Variants in NECAB2 observed in about 807,000 individuals in gnomAD.
NECAB2 encodes N-terminal EF-hand calcium binding protein 2, also known as N-terminal EF-hand calcium-binding protein 2.
NECAB2 carries 68 observed loss-of-function variants against 51.9 expected under a neutral mutation model. That is an observed-to-expected ratio of 1.31 (90% CI 1.08 to 1.60). The LOEUF is 1.60. Among genes scored for constraint, NECAB2 ranks in the 40% most tolerant of loss-of-function variants. The pLI is 0.00. For synonymous variants in NECAB2, 329 were observed against 203.5 expected (o/e 1.62, Z -5.25); for missense variants, 854 against 490.3 (o/e 1.74, Z -7.00).
In NECAB2 at chr16:83,994,247, G is replaced by T. The variant is rs2084664465; in HGVS notation, c.597-55G>T. The T allele has an allele frequency of 1.5e-5, 23 of 1,521,976 alleles. 1 individual carries two copies. In the South Asian group the frequency reaches 2.4e-4, roughly 16 times the overall value. 94.3% of individuals were successfully genotyped at this position (1,521,976 alleles called of 1,614,324 possible). On this transcript the variant is annotated intron_variant, in intron 6 of 12. Coordinates refer to ENST00000305202, the MANE Select transcript of NECAB2 (RefSeq NM_019065.3). ...ATGCCTGTGGAAGATGCTGGAAGTG[G>T]TAAGGGCCCTGAAGCCACCGCCATG...
intron 5 of NECAB2, among the ~76,000 whole-genome samples, chr16:83,988,281 C>T (rs1030008336): frequency 6.6e-6 from 1 of 151,714 alleles, no homozygotes; most frequent in African/African-American, 2.4e-5. Flanking sequence ...TACATTTTAC[C>T]TTTTGGTGGT....
Position 83,991,852 on chromosome 16 carries a change from C to T in NECAB2, c.596+1222C>T, listed in dbSNP as rs188806789. Among the ~76,000 whole-genome samples the T allele has an allele frequency of 1.6e-3, 234 of 144,138 alleles. 1 individual carries two copies. Among genetic ancestry groups the T allele is most frequent in the African/African-American group, 5.6e-3 (212 of 37,962 alleles). 94.6% of individuals were successfully genotyped at this position (144,138 alleles called of 152,430 possible). A position where few individuals can be genotyped will look rare whatever the true frequency, so the allele number is the denominator to read the frequency against. On this transcript the variant is annotated intron_variant, in intron 6 of 12. Coordinates refer to ENST00000305202, the MANE Select transcript of NECAB2 (RefSeq NM_019065.3). The stretch of plus-strand genomic sequence containing the variant: ...TTTTTTTTTTGTAGAGACGGGGTCT[C>T]GCCATGTTGGCCAGGCTGTTCTCAA...
At chr16:83,984,399 A>C (rs973584866) in intron 5 of NECAB2, among the ~76,000 whole-genome samples, 3 of 151,956 alleles carry the variant, frequency 2.0e-5, no homozygotes, top group African/African-American at 7.2e-5. Context: ...TGTTTGACAC[A>C]CGCAGGCACT....
intron 6 of NECAB2, among the ~76,000 whole-genome samples, chr16:83,991,092 C>G (rs2084619028): frequency 6.6e-6 from 1 of 152,126 alleles, no homozygotes; most frequent in Non-Finnish European, 1.5e-5. Context: ...AAGCAATTCT[C>G]ATGCCTCAGC....
In NECAB2 at chr16:83,997,200, T is replaced by C. The variant is rs745318808; in HGVS notation, c.796-16T>C. On this transcript the variant is annotated splice_polypyrimidine_tract_variant and intron_variant, in intron 8 of 12. Transcript: ENST00000305202. ...GGGCTCTGGGTCTAGCATCACTGTG[T>C]GCTGGATTGTTTCAGGCACTGTGGT... is the stretch of plus-strand genomic sequence containing the variant. 2.5e-6 allele frequency: 4 copies of C among 1,613,956 alleles called. No homozygotes were observed. The highest frequency in any genetic ancestry group is 3.3e-5 in the Admixed American group (2 of 59,986).
rs79625111 is a variant in NECAB2 at position 84,000,064 on chromosome 16, T to A, written c.963-660T>A. ...ACCAGGCCCAGCAAGTTTTATTTTT[T>A]TTTTTTTTAAAGAGACAGTGTTTTG... On this transcript the variant is annotated intron_variant, in intron 10 of 12. Coordinates refer to ENST00000305202, the MANE Select transcript of NECAB2 (RefSeq NM_019065.3). Among the ~76,000 whole-genome samples, 311 of 150,850 alleles carry A rather than the reference T, an allele frequency of 2.1e-3. 7 individuals carry two copies. In the East Asian group the frequency reaches 0.043, roughly 21 times the overall value.
intron 5 of NECAB2, among the ~76,000 whole-genome samples, chr16:83,982,832 G>A (rs561776624): frequency 1.5e-4 from 23 of 152,046 alleles, no homozygotes; most frequent in African/African-American, 5.1e-4. Context: ...TGTTGCATCC[G>A]TGATTGGCAT....
intron 5 of NECAB2, among the ~76,000 whole-genome samples, chr16:83,982,465 C>G (rs998892909): frequency 6.6e-6 from 1 of 152,268 alleles, no homozygotes; most frequent in South Asian, 2.1e-4. Context: ...ATGGGAAGAT[C>G]CCAGGCTTCC....
Position 84,000,761 on chromosome 16 carries a change from G to A in NECAB2, c.1000G>A (p.Val334Ile). The change falls in exon 11 of 13, where the codon GTC becomes ATC. Residue 334 changes from valine to isoleucine, a missense_variant. Val to Ile is a conservative substitution (Grantham distance 29). Coordinates refer to ENST00000305202, the MANE Select transcript of NECAB2 (RefSeq NM_019065.3). The stretch of plus-strand genomic sequence containing the variant: ...GAGGCTCTCAGATGGCTTCACCTTT[G>A]TCATCTATGAGTTCTGGGAGACAGA... ...AVRLSDGFTF[V>I]IYEFWETEEA... The A allele has an allele frequency of 6.2e-7, 1 of 1,613,872 alleles. No homozygotes were observed.
At chr16:83,969,692 C>T (rs1353455524) in intron 1 of NECAB2, among the ~76,000 whole-genome samples, 1 of 149,704 alleles carries the variant, frequency 6.7e-6, no homozygotes, top group Non-Finnish European at 1.5e-5. Flanking sequence ...GAGGACTTCT[C>T]CCAGCAGAGA....
chr16:83,967,694 A>AGATGGATG (rs1260318709), upstream of NECAB2, among the ~76,000 whole-genome samples: 3 of 97,700 alleles, frequency 3.1e-5, no homozygotes, highest in Admixed American at 3.2e-4. Context: ...GCGGGCGGGC[A>AGATGGATG]GATGGATGGA....
upstream of NECAB2, chr16:83,965,797 A>AG: frequency 6.2e-7 from 1 of 1,612,806 alleles, no homozygotes; most frequent in Non-Finnish European, 8.5e-7. Flanking sequence ...TGCCTGGGGC[A>AG]GGGGCTGACT....
chr16:83,988,655 A>T (rs1422107716), intron 5 of NECAB2, among the ~76,000 whole-genome samples: 2 of 152,188 alleles, frequency 1.3e-5, no homozygotes, highest in Non-Finnish European at 2.9e-5. Context: ...ACAAACTCTT[A>T]AGCATTGTTT....
rs538808089 is a variant in NECAB2 at position 83,979,468 on chromosome 16, T to G, written c.335+916T>G. Among the ~76,000 whole-genome samples, 125 of 152,218 alleles carry G rather than the reference T, an allele frequency of 8.2e-4. No homozygotes were observed. In the Middle Eastern group the frequency reaches 0.01, roughly 12 times the overall value. ...GGGGGGCACTGGCTGGGGACCGGGA[T>G]ATGGTAAGTGGAGCAGATACCATCC... On this transcript the variant is annotated intron_variant, in intron 3 of 12. Coordinates refer to ENST00000305202, the MANE Select transcript of NECAB2 (RefSeq NM_019065.3).
chr16:83,967,466 AT>A (rs2084294844), upstream of NECAB2, among the ~76,000 whole-genome samples: 1 of 9,436 alleles, frequency 1.1e-4, no homozygotes, highest in Admixed American at 1.6e-3. Context: ...GGATGGATGG[AT>A]GGATGGGAGG....
chr16:83,990,928 C>T (rs912160041), intron 6 of NECAB2, among the ~76,000 whole-genome samples: 1 of 152,094 alleles, frequency 6.6e-6, no homozygotes, highest in Admixed American at 6.6e-5. Flanking sequence ...TTGCTGCATC[C>T]ACATGCTAAT....
chr16:83,992,103 C>T (rs2084632994), intron 6 of NECAB2, among the ~76,000 whole-genome samples: 1 of 149,158 alleles, frequency 6.7e-6, no homozygotes, highest in Non-Finnish European at 1.5e-5. Context: ...TGCCACCTCT[C>T]TGTTAAAAAG....
At chr16:83,990,239 C>T (rs1270045194) in intron 5 of NECAB2, among the ~76,000 whole-genome samples, 2 of 152,204 alleles carry the variant, frequency 1.3e-5, no homozygotes, top group African/African-American at 4.8e-5. Context: ...GCTTCAGTGA[C>T]CCCATTATAC....
chr16:83,976,699 G>A lies in NECAB2; in HGVS notation c.227-1745G>A, dbSNP rs186454315. On this transcript the variant is annotated intron_variant, in intron 2 of 12. Transcript: ENST00000305202. ...ACTGTAACCTTGAAATCTGAGCTGC[G>A]ATGGGGGCATCTTGGGATATTGGCC... Among the ~76,000 whole-genome samples, 212 of 128,078 alleles carry A rather than the reference G, an allele frequency of 1.7e-3. 3 individuals are homozygous for A. In the East Asian group the frequency reaches 0.026, roughly 16 times the overall value. 84.0% of individuals were successfully genotyped at this position (128,078 alleles called of 152,430 possible).
Sources: allele counts gnomAD v4.1 joint callset (sites outside exome capture counted in the v4.1 genomes callset), GRCh38; gene constraint gnomAD v4.1.1; transcripts MANE v1.5; gene names NCBI Gene and HGNC (gene_info 2026-07-23, HGNC 2026-07-21).